Variants in ANKRD42 observed in about 807,000 individuals in gnomAD.
ANKRD42 encodes the protein ankyrin repeat domain-containing protein 42.
A neutral mutation model predicts 51.5 loss-of-function variants in ANKRD42; 43 were observed. The ratio of observed to expected loss-of-function variants is 0.83; its 90% CI spans 0.65 to 1.08. ANKRD42 has a LOEUF of 1.08. Among genes scored for constraint, ANKRD42 ranks in the 50% least tolerant of loss-of-function variants. ANKRD42 has a pLI of 0.00. For missense variants in ANKRD42, 608 were observed against 629.3 expected, an observed-to-expected ratio of 0.97 and a Z score of 0.36; for synonymous variants, 203 against 213.0, an observed-to-expected ratio of 0.95 and a Z score of 0.41.
intron 2 of ANKRD42, among the ~76,000 whole-genome samples, chr11:83,202,691 A>G (rs1030416460): frequency 1.3e-4 from 20 of 152,104 alleles, no homozygotes; most frequent in African/African-American, 4.1e-4. Flanking sequence ...TTCCCCCTCA[A>G]TATCTCCCAA....
At chr11:83,245,704 T>C in intron 10 of ANKRD42, 80 bp downstream of exon 10, 2 of 1,421,462 alleles carry the variant, frequency 1.4e-6, no homozygotes, top group South Asian at 1.4e-5. Context: ...TCAGCAACTT[T>C]TACTTTCATC....
In ANKRD42 at chr11:83,201,331, A is replaced by G. The variant is rs143233138; in HGVS notation, c.222+2689A>G. On this transcript the variant is annotated intron_variant, in intron 2 of 10. Transcript: ENST00000533342. ...ATGGCCCCGCAAAGGACGTGAACTC[A>G]TTCTTTTTTTATGGCTGCATGGTAT... Among the ~76,000 whole-genome samples the G allele has an allele frequency of 1.9e-3, 284 of 152,258 alleles. 1 individual carries two copies. Among genetic ancestry groups the G allele is most frequent in the African/African-American group, 6.7e-3 (278 of 41,542 alleles).
chr11:83,212,294 C>T (rs913453940), intron 5 of ANKRD42, among the ~76,000 whole-genome samples: 2 of 152,212 alleles, frequency 1.3e-5, no homozygotes, highest in Admixed American at 1.3e-4. Flanking sequence ...GTTGGCTAGG[C>T]TGGTCTCGAA....
chr11:83,203,207 C>G (rs976513835), intron 2 of ANKRD42, among the ~76,000 whole-genome samples: 1 of 151,792 alleles, frequency 6.6e-6, no homozygotes, highest in African/African-American at 2.4e-5. Flanking sequence ...GTGGGCCAGG[C>G]TGGTCTCTAA....
At chr11:83,210,130 C>A in intron 3 of ANKRD42, 170 bp from the exon 4 acceptor site, 2 of 537,994 alleles carry the variant, frequency 3.7e-6, no homozygotes, top group African/African-American at 2.0e-5. Context: ...CAAACATTTT[C>A]TTAGCATTAG....
chr11:83,253,915 T>C (rs906904537), downstream of ANKRD42, among the ~76,000 whole-genome samples: 2 of 152,058 alleles, frequency 1.3e-5, no homozygotes, highest in Admixed American at 1.3e-4. Context: ...CTTTGGAAAA[T>C]TTGGAATCCT....
At chr11:83,240,996 C>T in intron 9 of ANKRD42, 62 bp downstream of exon 9, 2 of 1,530,730 alleles carry the variant, frequency 1.3e-6, no homozygotes, top group East Asian at 4.5e-5. Flanking sequence ...CTTTTTACCA[C>T]AAATTTGGAA....
intron 10 of ANKRD42, 103 bp downstream of exon 10, chr11:83,245,727 G>A: frequency 7.8e-7 from 1 of 1,284,322 alleles, no homozygotes; most frequent in Non-Finnish European, 1.0e-6. Flanking sequence ...GCCAAAGGGT[G>A]TTAGGTTCCA....
chr11:83,232,706 C>T (rs1449500038), intron 7 of ANKRD42, among the ~76,000 whole-genome samples: 1 of 151,976 alleles, frequency 6.6e-6, no homozygotes. Context: ...CACTATTATA[C>T]TAGCTGTGGG....
At chr11:83,199,223 C>G (rs1861776444) in intron 2 of ANKRD42, among the ~76,000 whole-genome samples, 1 of 152,154 alleles carries the variant, frequency 6.6e-6, no homozygotes. Context: ...TTTGAAGTCC[C>G]TAAGTACCCC....
chr11:83,261,125 G>A (rs1335638091), downstream of ANKRD42: 1 of 152,158 alleles, frequency 6.6e-6, no homozygotes, highest in African/African-American at 2.4e-5. Context: ...GTCTTGCTCT[G>A]TCACCCAGGC....
downstream of ANKRD42, chr11:83,260,527 A>G (rs1376623874): frequency 6.6e-6 from 1 of 152,230 alleles, no homozygotes; most frequent in African/African-American, 2.4e-5. Flanking sequence ...TTTTGAGGAA[A>G]ATATAGTTGG....
rs1009506142 is a variant in ANKRD42 at position 83,193,880 on chromosome 11, G to A, written c.-791G>A. 6 of 454,736 alleles carry A rather than the reference G, an allele frequency of 1.3e-5. No homozygotes were observed. The highest frequency in any genetic ancestry group is 1.2e-4 in the African/African-American group (6 of 50,006). 28.2% of individuals were successfully genotyped at this position (454,736 alleles called of 1,614,324 possible). On this transcript the variant is annotated 5_prime_UTR_variant, in exon 1 of 11. Coordinates refer to ENST00000533342, the MANE Select transcript of ANKRD42 (RefSeq NM_001300975.2). Reference sequence around the variant, plus strand: ...CGCCGCACTAGCCACCACGTGTGGAGGATAAACGGTCTACACGGCCATTCC... The same window carrying A: ...CGCCGCACTAGCCACCACGTGTGGAAGATAAACGGTCTACACGGCCATTCC...
At chr11:83,230,316 T>C (rs7128048) in intron 7 of ANKRD42, among the ~76,000 whole-genome samples, 3,196 of 152,252 alleles carry the variant, frequency 0.021, 102 homozygotes, top group African/African-American at 0.072. Flanking sequence ...TCTTCCAAAG[T>C]GCTAGGATTA....
At chr11:83,236,577 CAAA>C in intron 8 of ANKRD42, 68 bp downstream of exon 8, 1 of 1,241,670 alleles carries the variant, frequency 8.1e-7, no homozygotes, top group Non-Finnish European at 1.1e-6. Context: ...TTTTTGGACT[CAAA>C]AATCTCTGAA....
At chr11:83,262,049 G>A, downstream of ANKRD42, 4 of 943,774 alleles carry the variant, frequency 4.2e-6, no homozygotes, top group African/African-American at 3.5e-5. Context: ...ATCTTTAAGT[G>A]AAGAGCAAAA....
chr11:83,215,445 GTGT>G (rs1219899746), intron 5 of ANKRD42, among the ~76,000 whole-genome samples: 2 of 152,074 alleles, frequency 1.3e-5, no homozygotes, highest in Non-Finnish European at 2.9e-5. Context: ...TCTACATTCA[GTGT>G]TGTTATTGGT....
At chr11:83,207,914 G>T (rs546993046) in intron 3 of ANKRD42, among the ~76,000 whole-genome samples, 2 of 152,334 alleles carry the variant, frequency 1.3e-5, no homozygotes, top group African/African-American at 2.4e-5. Context: ...GACTGGTTTT[G>T]TAAAGTGCCT....
chr11:83,200,958 G>C (rs913777747), intron 2 of ANKRD42, among the ~76,000 whole-genome samples: 4 of 151,896 alleles, frequency 2.6e-5, no homozygotes, highest in African/African-American at 9.7e-5. Flanking sequence ...TATTATCATA[G>C]GCTTTGCACA....
Sources: allele counts gnomAD v4.1 joint callset (sites outside exome capture counted in the v4.1 genomes callset), GRCh38; gene constraint gnomAD v4.1.1; transcripts MANE v1.5; gene names NCBI Gene and HGNC (gene_info 2026-07-23, HGNC 2026-07-21).